TRPC4: variants seen among roughly 807,000 people sequenced by gnomAD.
TRPC4 encodes the protein transient receptor potential cation channel subfamily C member 4, also known as short transient receptor potential channel 4.
Under a neutral mutation model 99.4 loss-of-function variants are expected in TRPC4, and 49 were observed. The observed-to-expected ratio is 0.49, with a 90% confidence interval of 0.39 to 0.63. The LOEUF (loss-of-function observed/expected upper bound fraction) is 0.63, where lower values mean the gene tolerates loss of function less well. Ranked by LOEUF, TRPC4 falls within the 20% of genes least tolerant of loss-of-function variation. The probability of loss-of-function intolerance (pLI) is 0.00; values close to 1 mark genes in which losing one functional copy is unlikely to be tolerated. For synonymous variants in TRPC4, 454 were observed against 425.9 expected (o/e 1.07, Z -0.81); for missense variants, 898 against 1,152.9 (o/e 0.78, Z 3.20).
At chr13:37,807,657 G>A (rs1957561647) in intron 1 of TRPC4, among the ~76,000 whole-genome samples, 1 of 151,962 alleles carries the variant, frequency 6.6e-6, no homozygotes, top group African/African-American at 2.4e-5. Context: ...AAAGCATAAA[G>A]GGAATAAATT....
chr13:37,869,373 G>C (rs997102577), intron 1 of TRPC4, among the ~76,000 whole-genome samples: 3 of 152,138 alleles, frequency 2.0e-5, no homozygotes, highest in African/African-American at 4.8e-5. Flanking sequence ...CCAAACTCCT[G>C]CTCAGCCCGA....
At chr13:37,778,568 G>A (rs1956765546) in intron 2 of TRPC4, among the ~76,000 whole-genome samples, 1 of 151,826 alleles carries the variant, frequency 6.6e-6, no homozygotes, top group Non-Finnish European at 1.5e-5. Context: ...TCCCTCCTTT[G>A]TAAAATGAGG....
chr13:37,692,407 A>T, intron 3 of TRPC4, 72 bp from the exon 4 acceptor site: 1 of 1,280,016 alleles, frequency 7.8e-7, no homozygotes, highest in Non-Finnish European at 1.1e-6. Flanking sequence ...ATCAATAAGA[A>T]CACAATTGTG....
chr13:37,748,390 T>C (rs1955843170), intron 2 of TRPC4, among the ~76,000 whole-genome samples: 1 of 152,190 alleles, frequency 6.6e-6, no homozygotes, highest in Non-Finnish European at 1.5e-5. Flanking sequence ...TTCAAATTTA[T>C]TAACCATAAA....
At chr13:37,836,364 G>T (rs1174897429) in intron 1 of TRPC4, among the ~76,000 whole-genome samples, 1 of 152,108 alleles carries the variant, frequency 6.6e-6, no homozygotes, top group African/African-American at 2.4e-5. Context: ...GGACAGTTTG[G>T]GGGGCTCAGA....
At chr13:37,830,473 C>T (rs1958389612) in intron 1 of TRPC4, among the ~76,000 whole-genome samples, 1 of 151,862 alleles carries the variant, frequency 6.6e-6, no homozygotes, top group Non-Finnish European at 1.5e-5. Flanking sequence ...TTTTGGGAGG[C>T]TGAGGCAGGC....
At chr13:37,798,655 C>A (rs1011575892) in intron 1 of TRPC4, among the ~76,000 whole-genome samples, 1 of 152,086 alleles carries the variant, frequency 6.6e-6, no homozygotes, top group Non-Finnish European at 1.5e-5. Flanking sequence ...GTATCAGACA[C>A]TGAGATGTCT....
chr13:37,803,692 A>C (rs1412031027), intron 1 of TRPC4, among the ~76,000 whole-genome samples: 1 of 152,114 alleles, frequency 6.6e-6, no homozygotes, highest in Non-Finnish European at 1.5e-5. Context: ...GAAGAAATTT[A>C]AATAGATAAC....
At chr13:37,648,532 T>C (rs1250808452) in intron 8 of TRPC4, among the ~76,000 whole-genome samples, 1 of 151,676 alleles carries the variant, frequency 6.6e-6, no homozygotes, top group African/African-American at 2.4e-5. Context: ...TGAATGTTAG[T>C]AAAATATTAA....
chr13:37,722,214 T>G (rs917631887), intron 3 of TRPC4, among the ~76,000 whole-genome samples: 1 of 152,286 alleles, frequency 6.6e-6, no homozygotes, highest in Admixed American at 6.5e-5. Context: ...GTTGGGATTC[T>G]CTCTATTATA....
In TRPC4 at chr13:37,692,082, G is replaced by C; in HGVS notation, c.1151C>G (p.Ser384Cys). 6.2e-7 allele frequency: 1 copy of C among 1,614,182 alleles called. No individual in the cohort carries two copies. The highest frequency in any genetic ancestry group is 8.5e-7 in the Non-Finnish European group (1 of 1,180,024). Residue 384 changes from serine to cysteine, a missense_variant, in exon 4 of 11, where the codon TCT becomes TGT. Around this residue, in one of 3 missense-constraint regions of TRPC4, gnomAD observed 274 missense variants for 454.9 expected, o/e 0.60. Transcript: ENST00000379705. ...CAAGTCTGACCTGTCGATGTGCTGAGAGGCAAGCAGCAGCAGGAACAAAAA... is the reference window on the plus strand; with the variant it reads ...CAAGTCTGACCTGTCGATGTGCTGACAGGCAAGCAGCAGCAGGAACAAAAA... The part of the protein sequence containing the change: ...LTFLFLLLLA[S>C]QHIDRSDLNR...
chr13:37,768,509 G>T (rs1566156798), intron 2 of TRPC4, among the ~76,000 whole-genome samples: 1 of 106,130 alleles, frequency 9.4e-6, no homozygotes, highest in African/African-American at 3.1e-5. Flanking sequence ...ATAAATTCAT[G>T]GGAGGAGAAA....
chr13:37,744,881 G>A (rs1365490764), intron 3 of TRPC4, among the ~76,000 whole-genome samples: 1 of 152,048 alleles, frequency 6.6e-6, no homozygotes, highest in Admixed American at 6.6e-5. Context: ...GGCTGATTAA[G>A]GGTAAGAAGT....
intron 5 of TRPC4, among the ~76,000 whole-genome samples, chr13:37,672,066 T>G (rs1482067676): frequency 1.3e-5 from 2 of 152,212 alleles, no homozygotes; most frequent in African/African-American, 2.4e-5. Flanking sequence ...AAGAACAATG[T>G]TTAGATTTTA....
chr13:37,680,424 G>T (rs541171849), intron 4 of TRPC4, among the ~76,000 whole-genome samples: 1 of 152,096 alleles, frequency 6.6e-6, no homozygotes, highest in Non-Finnish European at 1.5e-5. Flanking sequence ...CTAGGTTTCC[G>T]TTCACTTCAA....
At chr13:37,784,607 A>G (rs1297699252) in intron 1 of TRPC4, among the ~76,000 whole-genome samples, 1 of 152,078 alleles carries the variant, frequency 6.6e-6, no homozygotes, top group Non-Finnish European at 1.5e-5. Flanking sequence ...TAAAATGAAT[A>G]GGGTGTTCTA....
chr13:37,759,882 A>G lies in TRPC4; in HGVS notation c.379-13427T>C, dbSNP rs186472512. 3.4e-3 allele frequency among the ~76,000 whole-genome samples: 510 copies of G among 152,034 alleles called. 1 individual carries two copies. Among genetic ancestry groups the G allele is most frequent in the Admixed American group, 6.0e-3 (91 of 15,214 alleles). ...AATATTTCTTATATTTATTTCATCA[A>G]TTTGTGTCCTGATGGAAATTTGGAC... On this transcript the variant is annotated intron_variant, in intron 2 of 10. Coordinates refer to ENST00000379705, the MANE Select transcript of TRPC4 (RefSeq NM_016179.4).
intron 8 of TRPC4, among the ~76,000 whole-genome samples, chr13:37,649,660 G>A (rs544651297): frequency 7.2e-5 from 10 of 138,934 alleles, no homozygotes; most frequent in Non-Finnish European, 1.2e-4. Context: ...CGTGAACCCG[G>A]AAGGCGGAGC....
chr13:37,653,578 C>T (rs1208306069), intron 7 of TRPC4, among the ~76,000 whole-genome samples: 2 of 152,102 alleles, frequency 1.3e-5, no homozygotes, highest in Admixed American at 6.5e-5. Context: ...TCACACCTGT[C>T]TCAGGTTCTC....
Sources: gnomAD v4.1 joint callset for allele counts (sites outside exome capture counted in the v4.1 genomes callset) on GRCh38, gnomAD v4.1.1 for gene constraint, gnomAD v4.1.1 regional missense constraint, MANE v1.5 for transcripts, NCBI Gene and HGNC (gene_info 2026-07-23, HGNC 2026-07-21) for gene names.